Variants in SESTD1 observed in about 807,000 individuals in gnomAD.
SESTD1 encodes the protein SEC14 and spectrin domain containing 1, also known as SEC14 domain and spectrin repeat-containing protein 1.
In SESTD1, 43 loss-of-function variants were observed where a neutral mutation model predicts 101.7. That is an observed-to-expected ratio of 0.42 (90% confidence interval 0.33 to 0.55). SESTD1 has a LOEUF of 0.55. Among genes scored for constraint, SESTD1 ranks in the 20% least tolerant of loss-of-function variants. The pLI is 0.07. For missense variants in SESTD1, 647 were observed against 815.1 expected, an observed-to-expected ratio of 0.79 and a Z score of 2.51; for synonymous variants, 283 against 286.8, an observed-to-expected ratio of 0.99 and a Z score of 0.13.
intron 8 of SESTD1, among the ~76,000 whole-genome samples, chr2:179,144,295 A>AT (rs1442477151): frequency 6.6e-6 from 1 of 152,078 alleles, no homozygotes; most frequent in African/African-American, 2.4e-5. Flanking sequence ...CAATCACAGC[A>AT]TTTAAAAAAA....
At chr2:179,242,388 C>T (rs1288412478) in intron 1 of SESTD1, among the ~76,000 whole-genome samples, 2 of 152,122 alleles carry the variant, frequency 1.3e-5, no homozygotes, top group African/African-American at 2.4e-5. Context: ...GGCCATACTG[C>T]CCAAAGCAAT....
chr2:179,262,169 G>C (rs1307156522), intron 1 of SESTD1, among the ~76,000 whole-genome samples: 2 of 152,158 alleles, frequency 1.3e-5, no homozygotes, highest in African/African-American at 4.8e-5. Context: ...CAAATCCATA[G>C]AGACATAAAG....
Position 179,207,674 on chromosome 2 carries a change from C to G in SESTD1, c.-25-15808G>C, listed in dbSNP as rs1271441289. Reference sequence around the variant, plus strand: ...AGTCTGGCTCTCAGGAAGCCCCATCCCTAGCACCACACCAAGGGATCACCC... The same window carrying G: ...AGTCTGGCTCTCAGGAAGCCCCATCGCTAGCACCACACCAAGGGATCACCC... On this transcript the variant is annotated intron_variant, in intron 1 of 17. Transcript: ENST00000428443. Among the ~76,000 whole-genome samples, 3 of 134,778 alleles carry G rather than the reference C, an allele frequency of 2.2e-5. No individual in the cohort carries two copies. In the East Asian group the frequency reaches 6.0e-4, roughly 27 times the overall value. 88.4% of individuals were successfully genotyped at this position (134,778 alleles called of 152,430 possible).
rs567669967 is a variant in SESTD1 at position 179,239,395 on chromosome 2, T to G, written c.-26+25104A>C. Among the ~76,000 whole-genome samples the G allele has an allele frequency of 3.8e-3, 565 of 150,568 alleles. 6 individuals carry two copies. The highest frequency in any genetic ancestry group is 0.013 in the African/African-American group (533 of 40,250). The stretch of plus-strand genomic sequence containing the variant: ...GAGTCATCTGCAGGAAGTACAAGGT[T>G]TTTTTTTTGAATCTGCTAAGGTAAA... On this transcript the variant is annotated intron_variant, in intron 1 of 17. Transcript: ENST00000428443.
intron 1 of SESTD1, among the ~76,000 whole-genome samples, chr2:179,211,120 C>G (rs1340447744): frequency 7.6e-6 from 1 of 131,886 alleles, no homozygotes; most frequent in Non-Finnish European, 1.6e-5. Context: ...AGTGAAAGAT[C>G]TCTACAAGGA....
chr2:179,236,567 T>C (rs995724394), intron 1 of SESTD1, among the ~76,000 whole-genome samples: 1 of 152,008 alleles, frequency 6.6e-6, no homozygotes, highest in Non-Finnish European at 1.5e-5. Context: ...AAAGGGTAGA[T>C]GTTAAGAAAG....
chr2:179,129,032 GA>G (rs2044948651), intron 10 of SESTD1, among the ~76,000 whole-genome samples: 1 of 152,184 alleles, frequency 6.6e-6, no homozygotes, highest in South Asian at 2.1e-4. Context: ...TTTATACCAT[GA>G]AATGTGAATC....
chr2:179,177,858 T>A (rs2046037936), intron 3 of SESTD1, among the ~76,000 whole-genome samples: 1 of 152,106 alleles, frequency 6.6e-6, no homozygotes, highest in South Asian at 2.1e-4. Flanking sequence ...GAGACATTAT[T>A]CAGCCATAAA....
Position 179,124,446 on chromosome 2 carries a change from A to C in SESTD1, c.1085T>G (p.Val362Gly), listed in dbSNP as rs748204344. Residue 362 changes from valine to glycine, a missense_variant, in exon 11 of 18, where the codon GTT becomes GGT. By Grantham distance (109) the Val-to-Gly change is moderately radical (BLOSUM62 -3). Coordinates refer to ENST00000428443, the MANE Select transcript of SESTD1 (RefSeq NM_178123.5). ...LKSLQQQLSD[V>G]CYRQASQLEF... ...CAGCTGACTGGCCTGTCGATAACAA[A>C]CATCACTAAGTTGTTGCTGCAGTGA... 1.2e-6 allele frequency: 2 copies of C among 1,613,998 alleles called. No homozygotes were observed. Among genetic ancestry groups the C allele is most frequent in the African/African-American group, 2.7e-5 (2 of 74,922 alleles).
At chr2:179,250,838 G>A (rs1382674772) in intron 1 of SESTD1, among the ~76,000 whole-genome samples, 2 of 152,100 alleles carry the variant, frequency 1.3e-5, no homozygotes, top group Non-Finnish European at 1.5e-5. Flanking sequence ...AATATTAACA[G>A]TACAGACACT....
intron 9 of SESTD1, 21 bp downstream of exon 9, chr2:179,143,571 A>G (rs761400855): frequency 6.2e-7 from 1 of 1,605,472 alleles, no homozygotes. Context: ...AGAGTTAAAT[A>G]TATTCAAATC....
At position 179,107,299 on chromosome 2, in the gene SESTD1, A is replaced by C. The variant is rs2044405489; in HGVS notation, c.*2600T>G. The C allele has an allele frequency of 6.6e-6, 1 of 152,200 alleles. No individual in the cohort carries two copies. The highest frequency in any genetic ancestry group is 2.4e-5 in the African/African-American group (1 of 41,456). 9.4% of individuals were successfully genotyped at this position (152,200 alleles called of 1,614,324 possible). On this transcript the variant is annotated 3_prime_UTR_variant, in exon 18 of 18. Coordinates refer to ENST00000428443, the MANE Select transcript of SESTD1 (RefSeq NM_178123.5). ...GCAAATTTACAGATGAGGAGCAATG[A>C]TATTCATTATGTTAAAATCATACTT...
rs2045328839 is a variant in SESTD1 at position 179,143,619 on chromosome 2, T to C, written c.822A>G (p.Leu274=). The C allele has an allele frequency of 1.2e-6, 2 of 1,613,982 alleles. No individual in the cohort carries two copies. Among genetic ancestry groups the C allele is most frequent in the East Asian group, 4.5e-5 (2 of 44,874 alleles). Residue 274 remains leucine (L), a synonymous_variant, in exon 9 of 18, where the codon TTA becomes TTG. Coordinates refer to ENST00000428443, the MANE Select transcript of SESTD1 (RefSeq NM_178123.5). ...VCRQRSKRTQ[L]EEIQQKVMQV... ...GCATTACCTTCTGTTGAATCTCTTCTAACTGTGTGCGCTTGCTACGTTGCC... is the reference window on the plus strand; with the variant it reads ...GCATTACCTTCTGTTGAATCTCTTCCAACTGTGTGCGCTTGCTACGTTGCC...
chr2:179,172,194 T>C lies in SESTD1; in HGVS notation c.295A>G (p.Lys99Glu). The change falls in exon 5 of 18, where the codon AAG becomes GAG. Residue 99 changes from lysine to glutamate, a missense_variant. By Grantham distance (56) the Lys-to-Glu change is moderately conservative. This residue lies in a region of SESTD1 where 168 missense variants were observed against 235.1 expected (regional missense o/e 0.71). Coordinates refer to ENST00000428443, the MANE Select transcript of SESTD1 (RefSeq NM_178123.5). ...TTCTTATCCCAGAATTCATCTGGCTTTACCACACAAACAAGGGACACCTCA... is the reference window on the plus strand; with the variant it reads ...TTCTTATCCCAGAATTCATCTGGCTCTACCACACAAACAAGGGACACCTCA... ...PAEVSLVCVVKPDEFWDKKVT... is the reference protein window; with the variant it reads ...PAEVSLVCVVEPDEFWDKKVT... 6.2e-7 allele frequency: 1 copy of C among 1,609,302 alleles called. No homozygotes were observed. The highest frequency in any genetic ancestry group is 1.3e-5 in the African/African-American group (1 of 75,000).
At position 179,150,588 on chromosome 2, in the gene SESTD1, G is replaced by A. The variant is rs531028767; in HGVS notation, c.483+690C>T. ...TGTAATCCCAGCACTTTGGAAGGCC[G>A]AGGCAGGTGGATCACGAGGTCAAGA... is the stretch of plus-strand genomic sequence containing the variant. On this transcript the variant is annotated intron_variant, in intron 6 of 17. Coordinates refer to ENST00000428443, the MANE Select transcript of SESTD1 (RefSeq NM_178123.5). Among the ~76,000 whole-genome samples, 146 of 151,964 alleles carry A rather than the reference G, an allele frequency of 9.6e-4. 1 individual carries two copies. Among genetic ancestry groups the A allele is most frequent in the African/African-American group, 3.2e-3 (133 of 41,434 alleles).
intron 1 of SESTD1, among the ~76,000 whole-genome samples, chr2:179,241,594 A>G (rs527408087): frequency 6.7e-6 from 1 of 150,286 alleles, no homozygotes; most frequent in Non-Finnish European, 1.5e-5. Context: ...GTTCAACACC[A>G]GTCTTGGCAA....
chr2:179,109,424 T>C lies in SESTD1; in HGVS notation c.*475A>G. 1 of 315,036 alleles carries C rather than the reference T, an allele frequency of 3.2e-6. No individual in the cohort carries two copies. Among genetic ancestry groups the C allele is most frequent in the Non-Finnish European group, 5.7e-6 (1 of 174,068 alleles). The allele number at this position is 315,036 out of a possible 1,614,324, so 19.5% of individuals were successfully genotyped here. A position where few individuals can be genotyped will look rare whatever the true frequency, so the allele number is the denominator to read the frequency against. Reference sequence around the variant, plus strand: ...AAGATCTGAAAGGCTTTCTCTGTATTGACACAATAAAAATAATCAATTCTG... The same window carrying C: ...AAGATCTGAAAGGCTTTCTCTGTATCGACACAATAAAAATAATCAATTCTG... On this transcript the variant is annotated 3_prime_UTR_variant, in exon 18 of 18. Coordinates refer to ENST00000428443, the MANE Select transcript of SESTD1 (RefSeq NM_178123.5).
At chr2:179,181,878 T>A (rs1260755719) in intron 3 of SESTD1, among the ~76,000 whole-genome samples, 1 of 152,056 alleles carries the variant, frequency 6.6e-6, no homozygotes, top group African/African-American at 2.4e-5. Context: ...TTACTGCTAA[T>A]GCAATTAGCT....
chr2:179,230,839 G>A (rs377757300), intron 1 of SESTD1, among the ~76,000 whole-genome samples: 2 of 151,948 alleles, frequency 1.3e-5, no homozygotes, highest in East Asian at 1.9e-4. Flanking sequence ...ACCCACTAAT[G>A]TAGCAAGGAA....
Sources: allele counts gnomAD v4.1 joint callset (sites outside exome capture counted in the v4.1 genomes callset), GRCh38; gene constraint gnomAD v4.1.1; regional missense constraint gnomAD v4.1.1; transcripts MANE v1.5; gene names NCBI Gene and HGNC (gene_info 2026-07-23, HGNC 2026-07-21).